The following ARHGAP4 variants were observed in gnomAD, a reference collection of about 807,000 sequenced individuals.
ARHGAP4 encodes Rho GTPase activating protein 4.
In ARHGAP4, 25 loss-of-function variants were observed where a neutral mutation model predicts 67.6. The observed-to-expected ratio is 0.37, with a 90% CI of 0.27 to 0.52. The LOEUF is 0.52. ARHGAP4 is among the 20% of genes least tolerant of loss of function. The pLI is 0.92. For missense variants in ARHGAP4, 804 were observed against 854.6 expected, an observed-to-expected ratio of 0.94 and a Z score of 0.74; for synonymous variants, 448 against 373.7, an observed-to-expected ratio of 1.20 and a Z score of -2.29.
At chrX:153,914,798 A>G (rs984452319) in intron 7 of ARHGAP4, among the ~76,000 whole-genome samples, 5 of 112,348 alleles carry the variant, frequency 4.5e-5, no homozygotes, top group Admixed American at 9.4e-5. Context: ...GTGGACGGAA[A>G]AACTGCTCAC....
intron 7 of ARHGAP4, 104 bp from the exon 8 acceptor site, chrX:153,913,983 C>T (rs782447715): frequency 5.8e-4 from 404 of 700,985 alleles, no homozygotes; most frequent in Non-Finnish European, 7.6e-4. Flanking sequence ...GCCTGGCGGC[C>T]GGGCACAGGA....
intron 20 of ARHGAP4, 44 bp from the exon 21 acceptor site, chrX:153,909,213 C>G (rs2064996819): frequency 9.0e-7 from 1 of 1,114,635 alleles, no homozygotes; most frequent in African/African-American, 1.8e-5. Flanking sequence ...TGGGAAGTCC[C>G]TGAGCTAGCT....
chrX:153,926,039 G>A (rs2065125894), intron 1 of ARHGAP4, 97 bp downstream of exon 1: 9 of 1,095,204 alleles, frequency 8.2e-6, no homozygotes, highest in South Asian at 7.9e-5. Flanking sequence ...GCTGGGGAGA[G>A]CATCGGGCCC....
rs782048528 is a variant in ARHGAP4 at position 153,920,711 on chromosome X, C to T, written c.596G>A (p.Ser199Asn). 4.1e-6 allele frequency: 5 copies of T among 1,211,793 alleles called. No individual in the cohort carries two copies. Among genetic ancestry groups the T allele is most frequent in the Non-Finnish European group, 5.6e-6 (5 of 895,595 alleles). Residue 199 changes from serine to asparagine, a missense_variant, in exon 5 of 22, where the codon AGT becomes AAT. Ser to Asn is a conservative substitution (Grantham distance 46, BLOSUM62 1). Transcript: ENST00000350060. ...ERQEEKRAGR[S>N]VPTTTAGATE... ...GGCACCAGCGGTGGTGGTGGGGACACTCCGGCCTGCCCGCTTCTCCTCCTG... is the reference window on the plus strand; with the variant it reads ...GGCACCAGCGGTGGTGGTGGGGACATTCCGGCCTGCCCGCTTCTCCTCCTG...
Position 153,909,770 on chromosome X carries a change from G to T in ARHGAP4, c.2385C>A (p.Ile795=), listed in dbSNP as rs782047856. 5 of 1,201,188 alleles carry T rather than the reference G, an allele frequency of 4.2e-6. No individual in the cohort carries two copies. In the East Asian group the frequency reaches 8.9e-5, roughly 21 times the overall value. ...RGEHNGMRGL[I]PHKYITLPAG... ...CGGGCAGCGTGATATACTTGTGGGG[G>T]ATGAGGCCCCGCATGCCGTTGTGCT... Residue 795 remains isoleucine (I), a synonymous_variant, in exon 19 of 22, where the codon ATC becomes ATA. Transcript: ENST00000350060.
chrX:153,920,447 GT>G lies in ARHGAP4; in HGVS notation c.681+178del, dbSNP rs1212418358. On this transcript the variant is annotated intron_variant, in intron 5 of 21. Transcript: ENST00000350060. ...TGGGGCTGTCCAGGGCCAGGCAACTGTTTTCCCCACTCTCTCAGGCCCTGGG... is the reference window on the plus strand; with the variant it reads ...TGGGGCTGTCCAGGGCCAGGCAACTGTTTCCCCACTCTCTCAGGCCCTGGG... The G allele has an allele frequency of 9.1e-6, 5 of 548,558 alleles. No individual in the cohort carries two copies. In the East Asian group the frequency reaches 1.9e-4, roughly 20 times the overall value. The allele number at this position is 548,558 out of a possible 1,213,427, so 45.2% of individuals were successfully genotyped here.
rs1421773072 is a variant in ARHGAP4 at position 153,910,838 on chromosome X, C to A, written c.1682-4G>T. ...CCCTCCACCAGTGGGTCCTCCCCTG[C>A]AGATGGGCGAGTGGTGCGGTAGGGG... is the stretch of plus-strand genomic sequence containing the variant. On this transcript the variant is annotated splice_polypyrimidine_tract_variant and splice_region_variant and intron_variant, in intron 14 of 21. Transcript: ENST00000350060. The A allele has an allele frequency of 2.5e-6, 3 of 1,190,268 alleles. No individual in the cohort carries two copies. Among genetic ancestry groups the A allele is most frequent in the Non-Finnish European group, 3.4e-6 (3 of 884,086 alleles).
chrX:153,921,648 G>A lies in ARHGAP4; in HGVS notation c.229C>T (p.Arg77Cys), dbSNP rs781788953. The change falls in exon 2 of 22, where the codon CGT (arginine) becomes TGT (cysteine). Residue 77 changes from arginine to cysteine, a missense_variant. Physicochemically the swap from Arg to Cys is radical, Grantham distance 180. Around this residue, in one of 2 missense-constraint regions of ARHGAP4, gnomAD observed 404 missense variants for 505.9 expected, o/e 0.80. Coordinates refer to ENST00000350060, the MANE Select transcript of ARHGAP4 (RefSeq NM_001666.5). ...CGGCTGCTCCCCAGGCGGCCTCCACGGCTGGAGAAGCGCTCGGCCAGCTTT... is the reference window on the plus strand; with the variant it reads ...CGGCTGCTCCCCAGGCGGCCTCCACAGCTGGAGAAGCGCTCGGCCAGCTTT... Reference protein sequence around the residue: ...LEKLAERFSSRGGRLGSSREH... With the variant: ...LEKLAERFSSCGGRLGSSREH... 6.6e-6 allele frequency: 8 copies of A among 1,208,699 alleles called. No individual in the cohort carries two copies. The highest frequency in any genetic ancestry group is 3.0e-5 in the East Asian group (1 of 33,732).
Position 153,910,722 on chromosome X carries a change from G to T in ARHGAP4, c.1794C>A (p.Phe598Leu). The T allele has an allele frequency of 8.4e-7, 1 of 1,194,668 alleles. No individual in the cohort carries two copies. Among genetic ancestry groups the T allele is most frequent in the Non-Finnish European group, 1.1e-6 (1 of 886,808 alleles). ...CACCCGAAGAAGCCAGCAGCTCGCC[G>T]AACAGGTCTGGGGGGAAGAGTGGGG... ...LEPPLFPPDL[F>L]GELLASSELE... Residue 598 changes from phenylalanine to leucine, a missense_variant, in exon 15 of 22, where the codon TTC becomes TTA. Physicochemically the swap from Phe to Leu is conservative, Grantham distance 22. This residue lies in a region of ARHGAP4 where 400 missense variants were observed against 348.7 expected (regional missense o/e 1.15). Transcript: ENST00000350060.
intron 1 of ARHGAP4, 149 bp downstream of exon 1, chrX:153,925,987 C>T (rs1557106173): frequency 3.8e-6 from 3 of 798,010 alleles, no homozygotes; most frequent in Non-Finnish European, 3.4e-6. Context: ...GGGAGGCAGG[C>T]AAGGGGCTCA....
chrX:153,922,128 C>G, intron 1 of ARHGAP4: 1 of 950,239 alleles, frequency 1.1e-6, no homozygotes, highest in Non-Finnish European at 1.3e-6. Context: ...AGGCACCTTT[C>G]AGTTTGGCTT....
Position 153,909,074 on chromosome X carries a change from T to C in ARHGAP4, c.2603A>G (p.Asp868Gly), listed in dbSNP as rs374692439. The C allele has an allele frequency of 5.8e-6, 7 of 1,210,409 alleles. No homozygotes were observed. The highest frequency in any genetic ancestry group is 5.3e-5 in the South Asian group (3 of 56,960). The change falls in exon 21 of 22, where the codon GAT becomes GGT. Residue 868 changes from aspartate to glycine, a missense_variant. Physicochemically the swap from Asp to Gly is moderately conservative, Grantham distance 94. This residue lies in a region of ARHGAP4 where 400 missense variants were observed against 348.7 expected (regional missense o/e 1.15). Transcript: ENST00000350060. ...CTGCCACACACCCACTCTCACCTTA[T>C]CCACCTCCACGTGTTGCTCTGGGGA... is the stretch of plus-strand genomic sequence containing the variant. ...PASPEQHVEV[D>G]KAVAQNMDSV...
chrX:153,909,392 T>C (rs1557102107), intron 20 of ARHGAP4, 51 bp downstream of exon 20: 1 of 1,095,745 alleles, frequency 9.1e-7, no homozygotes, highest in Admixed American at 3.0e-5. Flanking sequence ...CAGTCCCCTC[T>C]GGCCTAGAAC....
chrX:153,920,824 A>G lies in ARHGAP4; in HGVS notation c.499-16T>C, dbSNP rs1557105106. The stretch of plus-strand genomic sequence containing the variant: ...TCTTCTTGGCCTGCAGGGAGACCCA[A>G]AGCAAGGTGGTGCTGGTGAAGGCCA... On this transcript the variant is annotated splice_polypyrimidine_tract_variant and intron_variant, in intron 4 of 21. Transcript: ENST00000350060. 1 of 1,211,100 alleles carries G rather than the reference A, an allele frequency of 8.3e-7. No homozygotes were observed. The highest frequency in any genetic ancestry group is 1.1e-6 in the Non-Finnish European group (1 of 895,014).
Position 153,921,744 on chromosome X carries a change from A to G in ARHGAP4, c.133T>C (p.Leu45=). 1 of 1,196,590 alleles carries G rather than the reference A, an allele frequency of 8.4e-7. No individual in the cohort carries two copies. The highest frequency in any genetic ancestry group is 1.1e-6 in the Non-Finnish European group (1 of 888,574). The change falls in exon 2 of 22, where the codon TTG becomes CTG. Residue 45 remains leucine (L), a synonymous_variant. Coordinates refer to ENST00000350060, the MANE Select transcript of ARHGAP4 (RefSeq NM_001666.5). ...ATGAACTCTGCCAGCTCCTGCAGCA[A>G]CTCCCGCCGCAGCTCGCCCTGCAGC... is the stretch of plus-strand genomic sequence containing the variant. ...LELQGELRRE[L]LQELAEFMRR...
At chrX:153,920,866 C>A in intron 4 of ARHGAP4, 58 bp from the exon 5 acceptor site, 1 of 1,178,518 alleles carries the variant, frequency 8.5e-7, no homozygotes, top group Non-Finnish European at 1.2e-6. Context: ...GGCCAGCCCC[C>A]AGCCCTCTAC....
chrX:153,911,986 C>G (rs782543610), intron 12 of ARHGAP4, among the ~76,000 whole-genome samples: 1 of 111,531 alleles, frequency 9.0e-6, no homozygotes, highest in Non-Finnish European at 1.9e-5. Flanking sequence ...TTTGAATATG[C>G]TACACGCATA....
At position 153,913,042 on chromosome X, in the gene ARHGAP4, T is replaced by G; in HGVS notation, c.1421A>C (p.Glu474Ala). 8.4e-7 allele frequency: 1 copy of G among 1,193,693 alleles called. No individual in the cohort carries two copies. Among genetic ancestry groups the G allele is most frequent in the Non-Finnish European group, 1.1e-6 (1 of 885,951 alleles). Residue 474 changes from glutamate (E) to alanine (A), a missense_variant, in exon 11 of 22, where the codon GAG becomes GCG. Coordinates refer to ENST00000350060, the MANE Select transcript of ARHGAP4 (RefSeq NM_001666.5). ...GACTCACCAAGACACCTCCTGCTCC[T>G]CCTTGTCACCTGTGGGGTGGGAGAA... ...LQEALQRGDK[E>A]EQEVSWTQYT...
chrX:153,909,918 T>A lies in ARHGAP4; in HGVS notation c.2237A>T (p.Glu746Val), dbSNP rs1557102466. The A allele has an allele frequency of 8.4e-7, 1 of 1,196,939 alleles. No homozygotes were observed. The highest frequency in any genetic ancestry group is 1.1e-6 in the Non-Finnish European group (1 of 889,198). ...GCAGGCCACAGCCTCCACGACCCCC[T>A]CCAGGTCTGGGGAGGAGAGGGGGTC... The part of the protein sequence containing the change: ...AEMPAQEDDL[E>V]GVVEAVACFA... The change falls in exon 19 of 22, where the codon GAG becomes GTG. Residue 746 changes from glutamate to valine, a missense_variant. This residue lies in a region of ARHGAP4 where 400 missense variants were observed against 348.7 expected (regional missense o/e 1.15). Transcript: ENST00000350060.
Sources: gnomAD v4.1 joint callset for allele counts (sites outside exome capture counted in the v4.1 genomes callset) on GRCh38, gnomAD v4.1.1 for gene constraint, gnomAD v4.1.1 regional missense constraint, MANE v1.5 for transcripts, NCBI Gene and HGNC (gene_info 2026-07-23, HGNC 2026-07-21) for gene names.